VPS13D: variants seen among roughly 807,000 people sequenced by gnomAD.
VPS13D encodes intermembrane lipid transfer protein VPS13D.
A neutral mutation model predicts 461.9 loss-of-function variants in VPS13D; 187 were observed. That is an observed-to-expected ratio of 0.40 (90% CI 0.36 to 0.46). VPS13D has a LOEUF of 0.46. Among genes scored for constraint, VPS13D ranks in the 20% least tolerant of loss-of-function variants. The pLI is 0.60. For synonymous variants in VPS13D, 1,951 were observed against 1,986.3 expected (o/e 0.98, Z 0.47); for missense variants, 4,711 against 5,364.9 (o/e 0.88, Z 3.81).
At chr1:12,253,407 C>T (rs1394655684) in intron 6 of VPS13D, among the ~76,000 whole-genome samples, 1 of 152,128 alleles carries the variant, frequency 6.6e-6, no homozygotes, top group African/African-American at 2.4e-5. Flanking sequence ...TCCTCCTACC[C>T]GACCATTTGC....
chr1:12,234,454 G>T, intron 2 of VPS13D, 91 bp downstream of exon 2: 1 of 1,011,916 alleles, frequency 9.9e-7, no homozygotes, highest in Middle Eastern at 2.1e-4. Context: ...AAAACCTAAT[G>T]CCCAGATGGC....
At position 12,416,697 on chromosome 1, in the gene VPS13D, T is replaced by TG; in HGVS notation, c.12205dup (p.Asp4069GlyfsTer12). 6.2e-7 allele frequency: 1 copy of TG among 1,614,120 alleles called. No individual in the cohort carries two copies. The highest frequency in any genetic ancestry group is 8.5e-7 in the Non-Finnish European group (1 of 1,180,004). ...CAGGCAGCTCGAATCCTGGGATCAG[T>TG]GGATTTTCTTGGCAATCCTATGGGG... On this transcript the variant is annotated frameshift_variant, in exon 65 of 70. Transcript: ENST00000620676. LOFTEE classifies it high-confidence loss of function.
Position 12,327,839 on chromosome 1 carries a change from G to A in VPS13D, c.8182G>A (p.Glu2728Lys). ...DCMDCDVPLA[E>K]LTFSRLNFLQ... ...CATGGATTGTGATGTTCCTCTCGCT[G>A]AACTCACCTTTTCCCGTGAGTGTTG... Residue 2728 changes from glutamate to lysine, a missense_variant, in exon 36 of 70, where the codon GAA (glutamate) becomes AAA (lysine). Around this residue, in one of 3 missense-constraint regions of VPS13D, gnomAD observed 4,411 missense variants for 4,937.8 expected, o/e 0.89. Transcript: ENST00000620676. 1.2e-6 allele frequency: 2 copies of A among 1,613,812 alleles called. No homozygotes were observed. The highest frequency in any genetic ancestry group is 1.7e-6 in the Non-Finnish European group (2 of 1,179,980).
At chr1:12,327,287 G>C (rs1051379223) in intron 35 of VPS13D, among the ~76,000 whole-genome samples, 2 of 152,142 alleles carry the variant, frequency 1.3e-5, no homozygotes, top group African/African-American at 4.8e-5. Flanking sequence ...AAGTGGCGCC[G>C]TGTCTGGATC....
chr1:12,246,693 C>T (rs767573708), intron 5 of VPS13D, among the ~76,000 whole-genome samples: 2 of 151,928 alleles, frequency 1.3e-5, no homozygotes, highest in African/African-American at 2.4e-5. Flanking sequence ...ATAAAGGGTA[C>T]GTTCTTTTGA....
chr1:12,437,193 G>C (rs1645073698), intron 65 of VPS13D, among the ~76,000 whole-genome samples: 1 of 152,158 alleles, frequency 6.6e-6, no homozygotes, highest in Non-Finnish European at 1.5e-5. Context: ...TTTCTGACCA[G>C]AGTGACTCAG....
intron 3 of VPS13D, 132 bp from the exon 4 acceptor site, chr1:12,244,114 G>C: frequency 1.2e-6 from 1 of 828,992 alleles, no homozygotes; most frequent in Non-Finnish European, 1.8e-6. Flanking sequence ...AGAGCCTGCT[G>C]CCTGTTGTTT....
intron 6 of VPS13D, among the ~76,000 whole-genome samples, chr1:12,250,027 C>A (rs1206324045): frequency 1.3e-5 from 2 of 152,186 alleles, no homozygotes; most frequent in East Asian, 1.9e-4. Flanking sequence ...CCCACAGTTC[C>A]CCTCCTCAGG....
intron 31 of VPS13D, among the ~76,000 whole-genome samples, chr1:12,318,911 C>T (rs751865199): frequency 9.2e-5 from 14 of 152,000 alleles, no homozygotes; most frequent in Non-Finnish European, 1.6e-4. Context: ...TAGCACAATG[C>T]GTTTTACATG....
chr1:12,405,572 G>A (rs979634211), intron 63 of VPS13D, among the ~76,000 whole-genome samples: 1 of 152,190 alleles, frequency 6.6e-6, no homozygotes, highest in Non-Finnish European at 1.5e-5. Flanking sequence ...CTCTGGAAGA[G>A]TGCAGCGTGC....
At chr1:12,346,701 G>A (rs375100075) in intron 44 of VPS13D, 49 bp downstream of exon 44, 3 of 1,500,728 alleles carry the variant, frequency 2.0e-6, no homozygotes, top group African/African-American at 2.8e-5. Context: ...TATATACACT[G>A]CACCTGAATC....
intron 16 of VPS13D, among the ~76,000 whole-genome samples, chr1:12,269,140 G>C (rs1641361057): frequency 6.6e-6 from 1 of 151,408 alleles, no homozygotes; most frequent in South Asian, 2.1e-4. Flanking sequence ...TTTCATTTCT[G>C]TTTTTTTTCC....
chr1:12,308,362 A>G (rs1018815722), intron 26 of VPS13D, 69 bp from the exon 27 acceptor site: 12 of 1,513,636 alleles, frequency 7.9e-6, no homozygotes, highest in African/African-American at 1.4e-5. Context: ...TGCATTTTTT[A>G]TTTGTTTAGT....
chr1:12,383,235 T>C (rs924749397), intron 58 of VPS13D, 80 bp downstream of exon 58: 9 of 1,384,498 alleles, frequency 6.5e-6, no homozygotes, highest in African/African-American at 2.9e-5. Flanking sequence ...CAAATACTTA[T>C]TGAACATGTT....
rs1373294385 is a variant in VPS13D at position 12,326,487 on chromosome 1, C to A, written c.7991-1161C>A. On this transcript the variant is annotated intron_variant, in intron 35 of 69. Coordinates refer to ENST00000620676, the MANE Select transcript of VPS13D (RefSeq NM_015378.4). ...TGAGTAGCTGGGACTACAGGATGCA[C>A]CACCATACGTGGCTAATTTTTAAAT... Among the ~76,000 whole-genome samples, 3 of 151,746 alleles carry A rather than the reference C, an allele frequency of 2.0e-5. No individual in the cohort carries two copies. In the East Asian group the frequency reaches 5.8e-4, roughly 29 times the overall value.
At chr1:12,249,081 T>C in intron 5 of VPS13D, 142 bp from the exon 6 acceptor site, 1 of 601,014 alleles carries the variant, frequency 1.7e-6, no homozygotes, top group East Asian at 2.9e-5. Context: ...TGGTGTGGTT[T>C]CCTTTAGTGG....
intron 67 of VPS13D, among the ~76,000 whole-genome samples, chr1:12,483,789 G>A (rs370975802): frequency 1.3e-5 from 2 of 152,084 alleles, no homozygotes; most frequent in East Asian, 1.9e-4. Flanking sequence ...CACGAGGTCA[G>A]GAGTTCGAGA....
intron 35 of VPS13D, among the ~76,000 whole-genome samples, chr1:12,324,375 C>T (rs1643124693): frequency 6.6e-6 from 1 of 152,128 alleles, no homozygotes; most frequent in African/African-American, 2.4e-5. Context: ...CGTGGTGGCT[C>T]ATGCCTGTAA....
chr1:12,354,232 A>G lies in VPS13D; in HGVS notation c.9679+11A>G, dbSNP rs1643866669. 1.2e-6 allele frequency: 2 copies of G among 1,612,876 alleles called. No homozygotes were observed. The highest frequency in any genetic ancestry group is 1.7e-6 in the Non-Finnish European group (2 of 1,178,986). On this transcript the variant is annotated intron_variant, in intron 47 of 69. Transcript: ENST00000620676. ...AGAACATTGAGCTGGGTAAGAATGT[A>G]GTCAGATGATCATTTGTCATAATCC...
Sources: gnomAD v4.1 joint callset for allele counts (sites outside exome capture counted in the v4.1 genomes callset) on GRCh38, gnomAD v4.1.1 for gene constraint, gnomAD v4.1.1 regional missense constraint, MANE v1.5 for transcripts, NCBI Gene and HGNC (gene_info 2026-07-23, HGNC 2026-07-21) for gene names.